The following SIGLEC1 variants were observed in gnomAD, a reference collection of about 807,000 sequenced individuals.
SIGLEC1 encodes sialic acid binding Ig like lectin 1, also known as sialoadhesin.
SIGLEC1 carries 132 observed loss-of-function variants against 148.0 expected under a neutral mutation model. The ratio of observed to expected loss-of-function variants is 0.89; its 90% CI spans 0.77 to 1.03. The LOEUF is 1.03. Ranked by LOEUF, SIGLEC1 falls within the 50% of genes least tolerant of loss-of-function variation. The pLI, the probability that SIGLEC1 is intolerant of heterozygous loss-of-function variation, is 0.00. For missense variants in SIGLEC1, 2,253 were observed against 2,271.4 expected, an observed-to-expected ratio of 0.99 and a Z score of 0.16; for synonymous variants, 945 against 969.0, an observed-to-expected ratio of 0.98 and a Z score of 0.46.
At chr20:3,705,359 T>C (rs2087884584) in intron 4 of SIGLEC1, among the ~76,000 whole-genome samples, 2 of 152,214 alleles carry the variant, frequency 1.3e-5, no homozygotes, top group South Asian at 4.1e-4. Flanking sequence ...ATCTTCGTCA[T>C]AGACTGAGAA....
rs771047259 is a variant in SIGLEC1 at position 3,701,434 on chromosome 20, C to T, written c.1436G>A (p.Arg479Gln). The change falls in exon 7 of 22, where the codon CGA becomes CAA. Residue 479 changes from arginine to glutamine, a missense_variant. By Grantham distance (43) the Arg-to-Gln change is conservative. Transcript: ENST00000344754. ...CCCACTGTCAGTTTCCTCCAGGTCT[C>T]GGATCTCCAGGCGCAGGGAGTTGGG... The part of the protein sequence containing the change: ...SGPNSLRLEI[R>Q]DLEETDSGEY... 25 of 1,614,022 alleles carry T rather than the reference C, an allele frequency of 1.5e-5. No individual in the cohort carries two copies. Among genetic ancestry groups the T allele is most frequent in the Middle Eastern group, 1.6e-4 (1 of 6,084 alleles).
chr20:3,697,710 G>A (rs1038532765), intron 9 of SIGLEC1, 88 bp downstream of exon 9: 11 of 1,226,060 alleles, frequency 9.0e-6, no homozygotes, highest in African/African-American at 4.5e-5. Flanking sequence ...TGCACAGAGT[G>A]GTTTTGCCTG....
chr20:3,691,653 G>C (rs1321695490), intron 17 of SIGLEC1, 53 bp from the exon 18 acceptor site: 14 of 1,585,670 alleles, frequency 8.8e-6, no homozygotes, highest in African/African-American at 1.3e-5. Context: ...TTGGGGGCTG[G>C]AGCCTCTGGG....
chr20:3,689,889 G>T (rs779513297), intron 19 of SIGLEC1, 73 bp downstream of exon 19: 1 of 1,343,306 alleles, frequency 7.4e-7, no homozygotes, highest in Admixed American at 1.9e-5. Flanking sequence ...GGGATACAGG[G>T]AAGGAAGCCT....
In SIGLEC1 at chr20:3,693,047, C is replaced by T. The variant is rs766979431; in HGVS notation, c.3593G>A (p.Arg1198His). Residue 1198 changes from arginine (R) to histidine (H), a missense_variant, in exon 15 of 22, where the codon CGC becomes CAC. Arg to His is a conservative substitution (Grantham distance 29). Coordinates refer to ENST00000344754, the MANE Select transcript of SIGLEC1 (RefSeq NM_023068.4). ...GCTGAGGGCCAGCTGGGCGGGCGGGCGGCTGTCCACAGTGCACAGTACCAG... is the reference window on the plus strand; with the variant it reads ...GCTGAGGGCCAGCTGGGCGGGCGGGTGGCTGTCCACAGTGCACAGTACCAG... ...LALVLCTVDS[R>H]PPAQLALSHA... is the part of the protein sequence containing the mutation. 2.5e-5 allele frequency: 40 copies of T among 1,607,872 alleles called. No individual in the cohort carries two copies. Among genetic ancestry groups the T allele is most frequent in the South Asian group, 4.4e-5 (4 of 90,874 alleles).
chr20:3,696,129 T>TATATATACACACACACACACACACAC (rs11087599), intron 11 of SIGLEC1, among the ~76,000 whole-genome samples: 1 of 142,426 alleles, frequency 7.0e-6, no homozygotes, highest in African/African-American at 2.7e-5. Flanking sequence ...ACTATATATA[T>TATATATACACACACACACACACACAC]ACACACACAC....
intron 16 of SIGLEC1, 147 bp from the exon 17 acceptor site, chr20:3,692,349 A>G (rs908186996): frequency 1.3e-5 from 15 of 1,158,336 alleles, no homozygotes; most frequent in Non-Finnish European, 9.5e-6. Context: ...CTGTGGGCAG[A>G]GTGCTCCAGG....
rs2087807646 is a variant in SIGLEC1 at position 3,697,082 on chromosome 20, C to A, written c.2380+3G>T. ...CCCCAGGCTGCCCATGCCAGTCACCCACAGAGTACACTCAGGAGCACGGGA... is the reference window on the plus strand; with the variant it reads ...CCCCAGGCTGCCCATGCCAGTCACCAACAGAGTACACTCAGGAGCACGGGA... On this transcript the variant is annotated splice_donor_region_variant and intron_variant, in intron 10 of 21. Coordinates refer to ENST00000344754, the MANE Select transcript of SIGLEC1 (RefSeq NM_023068.4). 1 of 1,609,604 alleles carries A rather than the reference C, an allele frequency of 6.2e-7. No homozygotes were observed. The highest frequency in any genetic ancestry group is 1.7e-5 in the Admixed American group (1 of 60,012).
Position 3,692,564 on chromosome 20 carries a change from G to C in SIGLEC1, c.3987C>G (p.Ala1329=), listed in dbSNP as rs1200622044. Residue 1329 remains alanine (A), a synonymous_variant, in exon 16 of 22, where the codon GCC becomes GCG. Transcript: ENST00000344754. The part of the protein sequence containing the change: ...AGAYSCQAQD[A]QGTRSSRPAA... The stretch of plus-strand genomic sequence containing the variant: ...CAGGACGGGAGCTGCGGGTGCCCTG[G>C]GCATCCTGGGCCTGGCAAGAGTAGG... 6.2e-7 allele frequency: 1 copy of C among 1,608,990 alleles called. No homozygotes were observed. The highest frequency in any genetic ancestry group is 1.3e-5 in the African/African-American group (1 of 74,930).
intron 8 of SIGLEC1, 31 bp downstream of exon 8, chr20:3,699,171 C>T (rs1402976264): frequency 2.5e-6 from 4 of 1,600,568 alleles, no homozygotes; most frequent in Non-Finnish European, 3.4e-6. Flanking sequence ...TGGGTCCCGG[C>T]AGGAGGCTGC....
intron 1 of SIGLEC1, among the ~76,000 whole-genome samples, chr20:3,708,424 G>C (rs183985001): frequency 6.6e-6 from 1 of 151,596 alleles, no homozygotes; most frequent in Non-Finnish European, 1.5e-5. Flanking sequence ...TCTTAAGTAT[G>C]AAATTAAAAG....
In SIGLEC1 at chr20:3,699,228, G is replaced by C; in HGVS notation, c.1760C>G (p.Ser587Cys). ...ARDGHSASGP[S>C]SPAVLTVLYP... Reference sequence around the variant, plus strand: ...GAGCACAGTGAGAACAGCTGGCGAAGAGGGGCCACTGGCACTGTGGCCGTC... The same window carrying C: ...GAGCACAGTGAGAACAGCTGGCGAACAGGGGCCACTGGCACTGTGGCCGTC... The change falls in exon 8 of 22, where the codon TCT (serine) becomes TGT (cysteine). Residue 587 changes from serine to cysteine, a missense_variant. Transcript: ENST00000344754. 6.2e-7 allele frequency: 1 copy of C among 1,610,740 alleles called. No homozygotes were observed. Among genetic ancestry groups the C allele is most frequent in the Non-Finnish European group, 8.5e-7 (1 of 1,179,256 alleles).
At chr20:3,706,221 G>A in intron 3 of SIGLEC1, 126 bp downstream of exon 3, 1 of 1,405,934 alleles carries the variant, frequency 7.1e-7, no homozygotes, top group Non-Finnish European at 9.6e-7. Flanking sequence ...CCTACGCCGG[G>A]GCTGGAACAG....
chr20:3,697,734 C>A, intron 9 of SIGLEC1, 64 bp downstream of exon 9: 1 of 1,487,676 alleles, frequency 6.7e-7, no homozygotes, highest in Non-Finnish European at 9.2e-7. Context: ...AGATCCTCCT[C>A]GGAGCAGAAC....
intron 5 of SIGLEC1, among the ~76,000 whole-genome samples, 169 bp downstream of exon 5, chr20:3,703,656 G>T (rs952228020): frequency 1.3e-5 from 2 of 152,204 alleles, no homozygotes; most frequent in African/African-American, 4.8e-5. Flanking sequence ...CTTCGTGGGG[G>T]TATTGTCACC....
Position 3,694,517 on chromosome 20 carries a change from A to ACGTGG in SIGLEC1, c.2955_2959dup (p.Val987AlafsTer8). 2 of 1,561,626 alleles carry ACGTGG rather than the reference A, an allele frequency of 1.3e-6. No homozygotes were observed. The highest frequency in any genetic ancestry group is 1.7e-6 in the Non-Finnish European group (2 of 1,150,786). ...TGTGTCCATCAGGGTAGTGAGTGTG[A>ACGTGG]CGTGGCGTGGGGCATCTACACAGGG... On this transcript the variant is annotated frameshift_variant, in exon 13 of 22. Coordinates refer to ENST00000344754, the MANE Select transcript of SIGLEC1 (RefSeq NM_023068.4). LOFTEE classifies it high-confidence loss of function.
intron 9 of SIGLEC1, among the ~76,000 whole-genome samples, 172 bp from the exon 10 acceptor site, chr20:3,697,514 T>C (rs1011771252): frequency 6.6e-6 from 1 of 151,720 alleles, no homozygotes; most frequent in African/African-American, 2.4e-5. Context: ...CTGGGGACTG[T>C]GGGGGCCCTG....
In SIGLEC1 at chr20:3,691,521, G is replaced by A; in HGVS notation, c.4410C>T (p.Gly1470=). ...AGGTGGAGTTGCCCACAGGCCCAGGGCCACCCAGGAGGCGGCAGCTGAGGT... is the reference window on the plus strand; with the variant it reads ...AGGTGGAGTTGCCCACAGGCCCAGGACCACCCAGGAGGCGGCAGCTGAGGT... ...ALNLSCRLLG[G]PGPVGNSTFA... is the part of the protein sequence containing the mutation. The change falls in exon 18 of 22, where the codon GGC becomes GGT. Residue 1470 remains glycine (G), a synonymous_variant. Coordinates refer to ENST00000344754, the MANE Select transcript of SIGLEC1 (RefSeq NM_023068.4). The A allele has an allele frequency of 1.2e-6, 2 of 1,613,318 alleles. No individual in the cohort carries two copies. Among genetic ancestry groups the A allele is most frequent in the South Asian group, 2.2e-5 (2 of 91,088 alleles).
At chr20:3,699,146 AG>A (rs2146526111) in intron 8 of SIGLEC1, 55 bp downstream of exon 8, 2 of 1,582,090 alleles carry the variant, frequency 1.3e-6, no homozygotes, top group African/African-American at 2.7e-5. Flanking sequence ...GGCCTAGAGG[AG>A]GTGGGGTGGC....
Sources: allele counts gnomAD v4.1 joint callset (sites outside exome capture counted in the v4.1 genomes callset), GRCh38; gene constraint gnomAD v4.1.1; transcripts MANE v1.5; gene names NCBI Gene and HGNC (gene_info 2026-07-23, HGNC 2026-07-21).